Variants in DMD observed in about 807,000 individuals in gnomAD.
The protein encoded by DMD is mutant dystrophin.
A neutral mutation model predicts 330.1 loss-of-function variants in DMD; 63 were observed. That is an observed-to-expected ratio of 0.19 (90% CI 0.16 to 0.24). The LOEUF (loss-of-function observed/expected upper bound fraction) is 0.24, where lower values mean the gene tolerates loss of function less well. Ranked by LOEUF, DMD falls within the 10% of genes least tolerant of loss-of-function variation. The pLI is 1.00. For synonymous variants in DMD, 1,223 were observed against 959.8 expected (o/e 1.27, Z -5.07); for missense variants, 3,344 against 2,684.1 (o/e 1.25, Z -5.43).
intron 60 of DMD, among the ~76,000 whole-genome samples, chrX:31,388,929 A>C (rs753699997): frequency 8.9e-6 from 1 of 112,061 alleles, no homozygotes; most frequent in South Asian, 3.7e-4. Flanking sequence ...AAAACCAAAA[A>C]ACATTTGAGA....
intron 1 of DMD, among the ~76,000 whole-genome samples, chrX:33,078,402 A>G (rs1350440943): frequency 1.8e-5 from 2 of 112,411 alleles, no homozygotes; most frequent in African/African-American, 3.2e-5. Context: ...CTATACTGTC[A>G]TAAATTGAGA....
intron 60 of DMD, among the ~76,000 whole-genome samples, chrX:31,361,695 A>C (rs1291602550): frequency 3.6e-5 from 4 of 110,613 alleles, no homozygotes; most frequent in Non-Finnish European, 5.7e-5. Flanking sequence ...GATTCCTGAG[A>C]TTTCAAACAG....
chrX:32,596,516 A>G (rs1174467280), intron 12 of DMD, among the ~76,000 whole-genome samples: 1 of 104,887 alleles, frequency 9.5e-6, no homozygotes, highest in Non-Finnish European at 1.9e-5. Flanking sequence ...TCTCTTGATT[A>G]CCCTCCTACC....
intron 50 of DMD, among the ~76,000 whole-genome samples, chrX:31,793,523 A>G (rs762290465): frequency 2.5e-4 from 28 of 112,186 alleles, no homozygotes; most frequent in Non-Finnish European, 4.7e-4. Context: ...AATGCATTTA[A>G]TAAACCTAAC....
At chrX:32,121,597 A>G (rs1396932803) in intron 44 of DMD, among the ~76,000 whole-genome samples, 12 of 91,150 alleles carry the variant, frequency 1.3e-4, no homozygotes, top group African/African-American at 4.4e-4. Flanking sequence ...TTCTTTTCAA[A>G]TAAGGTTTTC....
intron 55 of DMD, among the ~76,000 whole-genome samples, chrX:31,623,817 T>C (rs993721901): frequency 9.0e-6 from 1 of 111,102 alleles, no homozygotes; most frequent in Non-Finnish European, 1.9e-5. Context: ...TTTGTCTTGC[T>C]GAGAAAAATA....
chrX:33,129,324 G>GTTTTTTTTTT (rs2095483564), intron 1 of DMD, among the ~76,000 whole-genome samples: 4 of 10,460 alleles, frequency 3.8e-4, no homozygotes, highest in Admixed American at 1.3e-3. Context: ...GTTAAGGTTT[G>GTTTTTTTTTT]CTTTTTTTTT....
At position 31,478,219 on chromosome X, in the gene DMD, C is replaced by A. The variant is rs755127162; in HGVS notation, c.8824G>T (p.Ala2942Ser). The change falls in exon 59 of 79, where the codon GCC becomes TCC. Residue 2942 changes from alanine (A) to serine (S), a missense_variant. Physicochemically the swap from Ala to Ser is moderately conservative, Grantham distance 99 (BLOSUM62 1). Transcript: ENST00000357033. Reference sequence around the variant, plus strand: ...AGCTTGAGGTCCAGCTCATCCGTGGCCTCTTGAAGTTCCCGGAGTCTTTCA... The same window carrying A: ...AGCTTGAGGTCCAGCTCATCCGTGGACTCTTGAAGTTCCCGGAGTCTTTCA... Reference protein sequence around the residue: ...TLERLRELQEATDELDLKLRQ... With the variant: ...TLERLRELQESTDELDLKLRQ... 54 of 1,208,873 alleles carry A rather than the reference C, an allele frequency of 4.5e-5. No homozygotes were observed. In the Admixed American group the frequency reaches 1.2e-3, roughly 27 times the overall value.
At chrX:32,360,014 C>A (rs2097825207) in intron 37 of DMD, among the ~76,000 whole-genome samples, 1 of 110,932 alleles carries the variant, frequency 9.0e-6, no homozygotes, top group African/African-American at 3.3e-5. Context: ...AGAAAAATCA[C>A]ATATTCTGGC....
At chrX:32,250,685 GT>G (rs1484661480) in intron 43 of DMD, among the ~76,000 whole-genome samples, 1 of 111,830 alleles carries the variant, frequency 8.9e-6, no homozygotes, top group Non-Finnish European at 1.9e-5. Context: ...CTTCCAATGA[GT>G]TTTCAGCACT....
At chrX:32,111,674 A>T (rs1189234941) in intron 44 of DMD, among the ~76,000 whole-genome samples, 1 of 111,349 alleles carries the variant, frequency 9.0e-6, no homozygotes, top group Non-Finnish European at 1.9e-5. Context: ...TTTGGTTATC[A>T]TATCAAGTCC....
intron 3 of DMD, among the ~76,000 whole-genome samples, chrX:32,846,767 G>A (rs1040308010): frequency 1.9e-5 from 2 of 104,626 alleles, no homozygotes; most frequent in African/African-American, 7.1e-5. Flanking sequence ...AGACATTTGG[G>A]GAGGCTGAGG....
intron 29 of DMD, among the ~76,000 whole-genome samples, chrX:32,437,365 G>A (rs1546885): frequency 0.34 from 37,140 of 110,624 alleles, 4,655 homozygotes; most frequent in East Asian, 0.73. Context: ...CCTACTCAAG[G>A]CGTTCCTTTT....
chrX:32,856,989 G>A (rs1176786363), intron 2 of DMD, among the ~76,000 whole-genome samples: 2 of 109,728 alleles, frequency 1.8e-5, no homozygotes, highest in African/African-American at 3.3e-5. Flanking sequence ...GCAGGAGAAC[G>A]GCGTGAACCC....
chrX:31,587,396 C>T (rs944034165), intron 55 of DMD, among the ~76,000 whole-genome samples: 3 of 111,893 alleles, frequency 2.7e-5, no homozygotes, highest in African/African-American at 9.7e-5. Flanking sequence ...TTAGCCATTC[C>T]ACAATGTATG....
chrX:33,293,845 C>G (rs916035381), intron 1 of DMD, among the ~76,000 whole-genome samples: 2 of 111,277 alleles, frequency 1.8e-5, no homozygotes, highest in African/African-American at 6.5e-5. Context: ...ATGTGAATCT[C>G]AAGTTTTCTC....
At chrX:31,223,200 G>A in intron 63 of DMD, 79 bp from the exon 64 acceptor site, 1 of 866,641 alleles carries the variant, frequency 1.2e-6, no homozygotes, top group Non-Finnish European at 1.7e-6. Flanking sequence ...CCAGTGATTT[G>A]CCAATAACTA....
intron 7 of DMD, among the ~76,000 whole-genome samples, chrX:32,752,691 G>T (rs1367725376): frequency 9.2e-6 from 1 of 108,295 alleles, no homozygotes; most frequent in Non-Finnish European, 1.9e-5. Context: ...ATATGGTTTG[G>T]CTGAGTCCCC....
At chrX:31,482,948 G>A (rs186567059) in intron 57 of DMD, among the ~76,000 whole-genome samples, 2 of 110,041 alleles carry the variant, frequency 1.8e-5, no homozygotes, top group Admixed American at 9.7e-5. Context: ...TCAGGAAAAC[G>A]AGGAAAGTTG....
Sources: allele counts gnomAD v4.1 joint callset (sites outside exome capture counted in the v4.1 genomes callset), GRCh38; gene constraint gnomAD v4.1.1; transcripts MANE v1.5; gene names NCBI Gene and HGNC (gene_info 2026-07-23, HGNC 2026-07-21).